ZSCAN25: variants seen among roughly 807,000 people sequenced by gnomAD.
ZSCAN25 encodes the protein zinc finger and SCAN domain-containing protein 25.
ZSCAN25 carries 27 observed loss-of-function variants against 38.7 expected under a neutral mutation model. The observed-to-expected ratio is 0.70, with a 90% confidence interval of 0.51 to 0.96. The LOEUF is 0.96. ZSCAN25 is among the 40% of genes least tolerant of loss of function. ZSCAN25 has a pLI of 0.00. For missense variants in ZSCAN25, 637 were observed against 705.9 expected, an observed-to-expected ratio of 0.90 and a Z score of 1.11; for synonymous variants, 273 against 277.7, an observed-to-expected ratio of 0.98 and a Z score of 0.17.
At chr7:99,666,906 G>T in the ZSCAN25 span, 1 of 1,607,090 alleles carries the variant, frequency 6.2e-7, no homozygotes, top group East Asian at 2.2e-5. Context: ...CCTGTCCCCA[G>T]ATTCATTCTT....
At chr7:99,720,381 T>C in the ZSCAN25 span, 2 of 1,613,756 alleles carry the variant, frequency 1.2e-6, no homozygotes, top group South Asian at 1.1e-5. Context: ...GGATCTGTGA[T>C]AGCCAGCATA....
Position 99,619,934 on chromosome 7 carries a change from G to T in ZSCAN25, c.328G>T (p.Gly110Cys). ...GATCCGGGAGCATGGCCCAGAGAGTGGCAAGGCCCTGGCCGCCATGGTGGA... is the reference window on the plus strand; with the variant it reads ...GATCCGGGAGCATGGCCCAGAGAGTTGCAAGGCCCTGGCCGCCATGGTGGA... ...AWIREHGPES[G>C]KALAAMVEDL... Residue 110 changes from glycine (G) to cysteine (C), a missense_variant, in exon 4 of 8, where the codon GGC (glycine) becomes TGC (cysteine). Coordinates refer to ENST00000394152, the MANE Select transcript of ZSCAN25 (RefSeq NM_145115.3). The T allele has an allele frequency of 6.2e-7, 1 of 1,614,220 alleles. No homozygotes were observed. The highest frequency in any genetic ancestry group is 1.3e-5 in the African/African-American group (1 of 75,076).
chr7:99,718,004 G>C, the ZSCAN25 span, among the ~76,000 whole-genome samples: 2 of 152,172 alleles, frequency 1.3e-5, no homozygotes, highest in Middle Eastern at 3.4e-3. Flanking sequence ...CTGTCTTTAT[G>C]TTCACCTAAA....
At chr7:99,638,446 T>C in the ZSCAN25 span, 47,847 of 1,561,050 alleles carry the variant, frequency 0.031, 857 homozygotes, top group Middle Eastern at 0.06. Flanking sequence ...TCCCGGTCAT[T>C]GATAATGTGG....
At chr7:99,657,726 T>C in the ZSCAN25 span, among the ~76,000 whole-genome samples, 3 of 152,188 alleles carry the variant, frequency 2.0e-5, no homozygotes, top group Admixed American at 6.5e-5. Context: ...CTAACTCTCT[T>C]TGTAAGTCTC....
chr7:99,660,492 C>T, the ZSCAN25 span: 3 of 1,606,798 alleles, frequency 1.9e-6, 1 homozygote, highest in Non-Finnish European at 2.6e-6. Context: ...AGGGGTCATC[C>T]CCTCACCTTA....
chr7:99,648,469 T>C, the ZSCAN25 span: 1 of 1,259,742 alleles, frequency 7.9e-7, no homozygotes, highest in South Asian at 1.3e-5. Context: ...GGAAGCAAAG[T>C]AGAAAAAATA....
chr7:99,627,690 G>A (rs1248688679), intron 7 of ZSCAN25, among the ~76,000 whole-genome samples: 1 of 148,488 alleles, frequency 6.7e-6, no homozygotes, highest in Non-Finnish European at 1.5e-5. Flanking sequence ...TGTATATGCT[G>A]TATACGTATA....
chr7:99,649,369 A>G, the ZSCAN25 span, among the ~76,000 whole-genome samples: 6,824 of 152,298 alleles, frequency 0.045, 342 homozygotes, highest in African/African-American at 0.13. Flanking sequence ...CTTATAGGCT[A>G]TTGCTTAATA....
At chr7:99,709,698 C>T in the ZSCAN25 span, among the ~76,000 whole-genome samples, 1 of 151,980 alleles carries the variant, frequency 6.6e-6, no homozygotes, top group African/African-American at 2.4e-5. Context: ...GATTATTGGC[C>T]AAACTTCTGG....
At chr7:99,658,020 G>A in the ZSCAN25 span, among the ~76,000 whole-genome samples, 1 of 152,226 alleles carries the variant, frequency 6.6e-6, no homozygotes, top group Admixed American at 6.5e-5. Context: ...ACACCGATGG[G>A]TCTTGACTCT....
At chr7:99,708,956 C>A in the ZSCAN25 span, 1 of 1,495,252 alleles carries the variant, frequency 6.7e-7, no homozygotes, top group South Asian at 1.1e-5. Flanking sequence ...TTGTACAAGC[C>A]CAGACTGTCC....
chr7:99,643,348 G>T, the ZSCAN25 span, among the ~76,000 whole-genome samples: 1 of 152,084 alleles, frequency 6.6e-6, no homozygotes, highest in Non-Finnish European at 1.5e-5. Context: ...TTAGAAGCCT[G>T]TGAGCCGGAA....
intron 6 of ZSCAN25, 150 bp from the exon 7 acceptor site, chr7:99,623,907 G>C: frequency 9.2e-7 from 1 of 1,084,364 alleles, no homozygotes; most frequent in Non-Finnish European, 1.3e-6. Context: ...CAGCCACAGA[G>C]GCTCACAACT....
the ZSCAN25 span, chr7:99,685,297 A>G: frequency 6.3e-7 from 1 of 1,599,880 alleles, no homozygotes; most frequent in Non-Finnish European, 8.5e-7. Context: ...AAACTGTAGC[A>G]TCAAAGTAAA....
chr7:99,661,314 T>C, the ZSCAN25 span, among the ~76,000 whole-genome samples: 1 of 152,212 alleles, frequency 6.6e-6, no homozygotes, highest in Non-Finnish European at 1.5e-5. Flanking sequence ...GCAGGAGATA[T>C]GGTGATTTGT....
the ZSCAN25 span, among the ~76,000 whole-genome samples, chr7:99,643,330 A>T: frequency 6.6e-6 from 1 of 152,092 alleles, no homozygotes; most frequent in Non-Finnish European, 1.5e-5. Context: ...TATGTACTCC[A>T]TTGGACTTTA....
chr7:99,663,134 A>G, the ZSCAN25 span: 6 of 1,212,616 alleles, frequency 4.9e-6, no homozygotes, highest in South Asian at 5.9e-5. Flanking sequence ...CCTGTTTCTC[A>G]TCTTCTCTGT....
the ZSCAN25 span, among the ~76,000 whole-genome samples, chr7:99,683,667 C>T: frequency 2.0e-5 from 3 of 152,092 alleles, no homozygotes; most frequent in Non-Finnish European, 4.4e-5. Context: ...TTCTCCATGC[C>T]CTGTTTAGGC....
Sources: allele counts gnomAD v4.1 joint callset (sites outside exome capture counted in the v4.1 genomes callset), GRCh38; gene constraint gnomAD v4.1.1; transcripts MANE v1.5; gene names NCBI Gene and HGNC (gene_info 2026-07-23, HGNC 2026-07-21).